The following TLE4 variants were observed in gnomAD, a reference collection of about 807,000 sequenced individuals.
TLE4 encodes the protein TLE family member 4, transcriptional corepressor.
A neutral mutation model predicts 92.8 loss-of-function variants in TLE4; 8 were observed. The observed-to-expected ratio is 0.09, with a 90% CI of 0.05 to 0.16. TLE4 has a LOEUF of 0.16. Ranked by LOEUF, TLE4 falls within the 10% of genes least tolerant of loss-of-function variation. The pLI is 1.00. For missense variants in TLE4, 675 were observed against 997.6 expected, an observed-to-expected ratio of 0.68 and a Z score of 4.36; for synonymous variants, 371 against 374.1, an observed-to-expected ratio of 0.99 and a Z score of 0.10.
chr9:79,606,187 GT>G (rs71364420), intron 4 of TLE4, among the ~76,000 whole-genome samples: 16 of 28,706 alleles, frequency 5.6e-4, no homozygotes, highest in Non-Finnish European at 6.5e-4. Flanking sequence ...AGTAGTAGTT[GT>G]TTTTTTTTTT....
rs960103842 is a variant in TLE4, at chr9:79,726,761, C to A, written c.*1617C>A. On this transcript the variant is annotated 3_prime_UTR_variant, in exon 20 of 20. Coordinates refer to ENST00000376552, the MANE Select transcript of TLE4 (RefSeq NM_007005.6). ...TTCTAGTATGCTTATTTTTCTAATT[C>A]TTTGTCTTGATGACATTAGTTTATT... The A allele has an allele frequency of 3.9e-5, 6 of 152,570 alleles. No homozygotes were observed. The highest frequency in any genetic ancestry group is 1.2e-4 in the African/African-American group (5 of 41,432). The allele number at this position is 152,570 out of a possible 1,614,324, so 9.5% of individuals were successfully genotyped here. A position where few individuals can be genotyped will look rare whatever the true frequency, so the allele number is the denominator to read the frequency against.
chr9:79,699,598 C>T (rs1049570769), intron 8 of TLE4, among the ~76,000 whole-genome samples: 39 of 152,074 alleles, frequency 2.6e-4, no homozygotes, highest in Non-Finnish European at 4.4e-4. Flanking sequence ...CGTGTGGATA[C>T]GATTTTTGAA....
intron 1 of TLE4, chr9:79,573,276 G>A (rs2036436742): frequency 9.7e-7 from 1 of 1,028,984 alleles, no homozygotes; most frequent in Non-Finnish European, 1.2e-6. Context: ...GAACGAACGA[G>A]CCGAGAGGGT....
intron 1 of TLE4, chr9:79,573,306 C>T: frequency 9.6e-7 from 1 of 1,043,144 alleles, no homozygotes; most frequent in Non-Finnish European, 1.2e-6. Context: ...CTCCCTCCTC[C>T]CCCGGCCTGA....
At chr9:79,641,408 C>T (rs1228743247) in intron 6 of TLE4, among the ~76,000 whole-genome samples, 1 of 152,120 alleles carries the variant, frequency 6.6e-6, no homozygotes, top group Non-Finnish European at 1.5e-5. Flanking sequence ...CCCCAAAACC[C>T]ACCGTAGCCT....
At chr9:79,717,843 A>G in intron 14 of TLE4, among the ~76,000 whole-genome samples, 1 of 152,152 alleles carries the variant, frequency 6.6e-6, no homozygotes, top group South Asian at 2.1e-4. Flanking sequence ...TCCCCAAGAT[A>G]GGCCCAGCTG....
At chr9:79,707,259 C>G (rs779594655) in intron 11 of TLE4, 1 of 1,551,074 alleles carries the variant, frequency 6.4e-7, no homozygotes. Context: ...TTGTTGCTAG[C>G]TTTGTTTGAA....
chr9:79,662,994 C>T (rs1251569722), intron 8 of TLE4, among the ~76,000 whole-genome samples: 2 of 147,542 alleles, frequency 1.4e-5, no homozygotes, highest in African/African-American at 4.9e-5. Flanking sequence ...AACACTTGAT[C>T]TGTGCTACTG....
intron 4 of TLE4, among the ~76,000 whole-genome samples, chr9:79,596,503 C>T (rs1287131020): frequency 6.6e-6 from 1 of 152,208 alleles, no homozygotes; most frequent in East Asian, 1.9e-4. Context: ...AGGCACTTGT[C>T]TTCTGCCACT....
intron 4 of TLE4, among the ~76,000 whole-genome samples, chr9:79,584,262 C>T (rs902094509): frequency 2.0e-5 from 3 of 152,176 alleles, no homozygotes; most frequent in Non-Finnish European, 2.9e-5. Flanking sequence ...AGTGTTACAC[C>T]GTCATCTCTA....
intron 8 of TLE4, among the ~76,000 whole-genome samples, chr9:79,681,703 A>G (rs896729250): frequency 1.4e-4 from 22 of 151,846 alleles, no homozygotes; most frequent in African/African-American, 5.3e-4. Context: ...AATATGCTAC[A>G]TATTTTCCAA....
At chr9:79,651,059 C>G (rs200361534) in intron 6 of TLE4, among the ~76,000 whole-genome samples, 2 of 122,596 alleles carry the variant, frequency 1.6e-5, no homozygotes, top group Non-Finnish European at 3.7e-5. Flanking sequence ...CTCTCTCTCT[C>G]TCTCTCTCTG....
intron 5 of TLE4, among the ~76,000 whole-genome samples, chr9:79,618,211 C>A (rs1295737940): frequency 6.6e-6 from 1 of 152,142 alleles, no homozygotes; most frequent in African/African-American, 2.4e-5. Context: ...ATGCTATGCA[C>A]AAAATAAAAA....
intron 8 of TLE4, among the ~76,000 whole-genome samples, chr9:79,698,889 G>A (rs1322399173): frequency 1.4e-5 from 2 of 141,326 alleles, no homozygotes; most frequent in Non-Finnish European, 3.1e-5. Flanking sequence ...ATATATATAT[G>A]TATATCCTGG....
chr9:79,576,851 A>C (rs907109814), intron 4 of TLE4: 1 of 151,844 alleles, frequency 6.6e-6, no homozygotes, highest in Non-Finnish European at 1.5e-5. Flanking sequence ...GAGAGATACG[A>C]CTCAAACAGT....
intron 14 of TLE4, among the ~76,000 whole-genome samples, chr9:79,713,872 GTT>G (rs2073926837): frequency 6.6e-6 from 1 of 151,892 alleles, no homozygotes; most frequent in Non-Finnish European, 1.5e-5. Context: ...TGTTGTTGTT[GTT>G]GTTGTTTGAG....
chr9:79,631,663 T>TGTGTGTGTGTGTGTGTGTG (rs1312981283), intron 6 of TLE4, among the ~76,000 whole-genome samples: 3 of 148,662 alleles, frequency 2.0e-5, no homozygotes, highest in Admixed American at 6.7e-5. Flanking sequence ...TGTGTGTGTG[T>TGTGTGTGTGTGTGTGTGTG]TTTCTACATT....
At position 79,708,628 on chromosome 9, in the gene TLE4, C is replaced by T. The variant is rs777753084; in HGVS notation, c.1105C>T (p.Pro369Ser). 3.1e-6 allele frequency: 5 copies of T among 1,614,098 alleles called. No individual in the cohort carries two copies. The highest frequency in any genetic ancestry group is 1.6e-4 in the Middle Eastern group (1 of 6,062). Residue 369 changes from proline (P) to serine (S), a missense_variant, in exon 13 of 20, where the codon CCA (proline) becomes TCA (serine). Pro to Ser is a moderately conservative substitution (Grantham distance 74). This residue lies in a region of TLE4 where 280 missense variants were observed against 287.3 expected (regional missense o/e 0.97). Transcript: ENST00000376552. The stretch of plus-strand genomic sequence containing the variant: ...AAGGACCCCAATGGCAGTACCTTGT[C>T]CATATCCAACTCCATTTGGGATTGT... ...SLRTPMAVPCPYPTPFGIVPH... is the reference protein window; with the variant it reads ...SLRTPMAVPCSYPTPFGIVPH...
At chr9:79,573,144 G>C in intron 1 of TLE4, 1 of 728,934 alleles carries the variant, frequency 1.4e-6, no homozygotes, top group South Asian at 5.5e-5. Context: ...GAGCGATGAA[G>C]GAGGCGCGAC....
Sources: allele counts gnomAD v4.1 joint callset (sites outside exome capture counted in the v4.1 genomes callset), GRCh38; gene constraint gnomAD v4.1.1; regional missense constraint gnomAD v4.1.1; transcripts MANE v1.5; gene names NCBI Gene and HGNC (gene_info 2026-07-23, HGNC 2026-07-21).